NKAIN2: variants seen among roughly 807,000 people sequenced by gnomAD.
The protein encoded by NKAIN2 is sodium/potassium-transporting ATPase subunit beta-1-interacting protein 2.
In NKAIN2, 14 loss-of-function variants were observed where a neutral mutation model predicts 32.6. That is an observed-to-expected ratio of 0.43 (90% CI 0.28 to 0.67). NKAIN2 has a LOEUF of 0.67. Ranked by LOEUF, NKAIN2 falls within the 30% of genes least tolerant of loss-of-function variation. The pLI, the probability that NKAIN2 is intolerant of heterozygous loss-of-function variation, is 0.17. For synonymous variants in NKAIN2, 80 were observed against 87.2 expected (o/e 0.92, Z 0.46); for missense variants, 198 against 258.3 (o/e 0.77, Z 1.60).
At chr6:124,585,883 A>G (rs1183598457) in intron 3 of NKAIN2, among the ~76,000 whole-genome samples, 2 of 152,180 alleles carry the variant, frequency 1.3e-5, no homozygotes, top group African/African-American at 4.8e-5. Flanking sequence ...TCACTTTTTA[A>G]AAGTGGGTTG....
intron 4 of NKAIN2, among the ~76,000 whole-genome samples, chr6:124,680,105 A>G (rs908088361): frequency 2.0e-5 from 3 of 152,316 alleles, no homozygotes; most frequent in Non-Finnish European, 2.9e-5. Flanking sequence ...TGTTTCTACT[A>G]TACTGAAAAT....
At chr6:124,818,198 A>AG (rs928878437) in intron 5 of NKAIN2, among the ~76,000 whole-genome samples, 189 bp from the exon 6 acceptor site, 1 of 151,948 alleles carries the variant, frequency 6.6e-6, no homozygotes, top group Non-Finnish European at 1.5e-5. Context: ...GCAGTGGGGG[A>AG]GGGGGGCAGC....
At chr6:124,106,508 G>A (rs912841778) in intron 1 of NKAIN2, among the ~76,000 whole-genome samples, 5 of 152,138 alleles carry the variant, frequency 3.3e-5, no homozygotes, top group African/African-American at 1.2e-4. Context: ...CTTTGACTTT[G>A]TACTAAGATG....
chr6:124,433,669 G>T (rs1029961552), intron 3 of NKAIN2, among the ~76,000 whole-genome samples: 1 of 152,062 alleles, frequency 6.6e-6, no homozygotes, highest in Non-Finnish European at 1.5e-5. Context: ...ATGGGAAGGG[G>T]GCTGAGATTT....
intron 4 of NKAIN2, among the ~76,000 whole-genome samples, chr6:124,756,125 G>T (rs932397959): frequency 2.0e-5 from 3 of 152,052 alleles, no homozygotes; most frequent in Admixed American, 6.6e-5. Flanking sequence ...TAATTACAAA[G>T]ATATATTTTT....
rs138074488 is a variant in NKAIN2, at chr6:124,638,510, G to A, written c.274-19676G>A. Among the ~76,000 whole-genome samples the A allele has an allele frequency of 7.7e-3, 1,170 of 152,128 alleles. 7 individuals are homozygous for A. The highest frequency in any genetic ancestry group is 0.014 in the Non-Finnish European group (927 of 67,986). ...GGGAGAAAATATTTGTAAACTATTC[G>A]TACAAGAGATTAATAACCAAAATGT... is the stretch of plus-strand genomic sequence containing the variant. On this transcript the variant is annotated intron_variant, in intron 3 of 6. Coordinates refer to ENST00000368417, the MANE Select transcript of NKAIN2 (RefSeq NM_001040214.3).
intron 2 of NKAIN2, among the ~76,000 whole-genome samples, chr6:124,345,364 G>A (rs1440449918): frequency 2.6e-5 from 4 of 152,164 alleles, no homozygotes; most frequent in African/African-American, 9.7e-5. Flanking sequence ...AGTTAGGGAG[G>A]ATTCCCTCTT....
chr6:124,749,428 C>T (rs1198449880), intron 4 of NKAIN2, among the ~76,000 whole-genome samples: 1 of 151,810 alleles, frequency 6.6e-6, no homozygotes, highest in Admixed American at 6.6e-5. Context: ...TATTTGGGGA[C>T]CTCACCCTGC....
At chr6:124,591,322 A>G (rs1210993367) in intron 3 of NKAIN2, among the ~76,000 whole-genome samples, 1 of 152,226 alleles carries the variant, frequency 6.6e-6, no homozygotes, top group East Asian at 1.9e-4. Flanking sequence ...TAGACAGGAA[A>G]TGAACTGATC....
chr6:124,398,507 A>G (rs1177321942), intron 3 of NKAIN2, among the ~76,000 whole-genome samples: 3 of 152,086 alleles, frequency 2.0e-5, no homozygotes, highest in Non-Finnish European at 4.4e-5. Flanking sequence ...GAATTAGTCT[A>G]TGGAGATCCA....
intron 3 of NKAIN2, among the ~76,000 whole-genome samples, chr6:124,388,120 C>G: frequency 6.6e-6 from 1 of 151,918 alleles, no homozygotes; most frequent in East Asian, 1.9e-4. Context: ...AGAGATTCTG[C>G]TCTGGTTCAA....
chr6:124,412,331 T>C (rs1171537136), intron 3 of NKAIN2, among the ~76,000 whole-genome samples: 1 of 152,188 alleles, frequency 6.6e-6, no homozygotes. Context: ...TCTTTGATGA[T>C]GGTGACGTAC....
chr6:124,138,402 C>T (rs1437303847), intron 1 of NKAIN2, among the ~76,000 whole-genome samples: 3 of 151,968 alleles, frequency 2.0e-5, no homozygotes, highest in Non-Finnish European at 4.4e-5. Flanking sequence ...AATGTAAGCT[C>T]ATACAAACAC....
intron 4 of NKAIN2, among the ~76,000 whole-genome samples, chr6:124,756,665 AAAG>A (rs1223299871): frequency 1.3e-5 from 2 of 152,092 alleles, no homozygotes; most frequent in Non-Finnish European, 2.9e-5. Flanking sequence ...AAAAAAATAG[AAAG>A]AAGGCAACTT....
intron 1 of NKAIN2, among the ~76,000 whole-genome samples, chr6:123,865,035 A>G (rs1031460697): frequency 6.6e-5 from 10 of 152,130 alleles, no homozygotes; most frequent in African/African-American, 2.4e-4. Flanking sequence ...AGTTAAAACC[A>G]CTGTCCTTAG....
At chr6:124,039,122 C>A (rs1012618926) in intron 1 of NKAIN2, among the ~76,000 whole-genome samples, 5 of 152,012 alleles carry the variant, frequency 3.3e-5, no homozygotes, top group African/African-American at 1.2e-4. Flanking sequence ...TTGGCACATG[C>A]TTATTTTACA....
intron 1 of NKAIN2, among the ~76,000 whole-genome samples, chr6:123,965,631 A>G (rs1478246138): frequency 1.3e-5 from 2 of 152,090 alleles, no homozygotes; most frequent in Non-Finnish European, 2.9e-5. Flanking sequence ...AACCCCACAC[A>G]ATAGCCATCT....
intron 4 of NKAIN2, among the ~76,000 whole-genome samples, chr6:124,663,095 A>T (rs1309601302): frequency 6.6e-6 from 1 of 152,212 alleles, no homozygotes; most frequent in African/African-American, 2.4e-5. Context: ...GTTTGATTTG[A>T]ATTGATTCAC....
chr6:124,431,059 T>C (rs1167191621), intron 3 of NKAIN2, among the ~76,000 whole-genome samples: 1 of 152,176 alleles, frequency 6.6e-6, no homozygotes, highest in Non-Finnish European at 1.5e-5. Flanking sequence ...AGATAACTTC[T>C]TCATTGCCTA....
Sources: gnomAD v4.1 joint callset for allele counts (sites outside exome capture counted in the v4.1 genomes callset) on GRCh38, gnomAD v4.1.1 for gene constraint, MANE v1.5 for transcripts, NCBI Gene and HGNC (gene_info 2026-07-23, HGNC 2026-07-21) for gene names.